CPED1: variants seen among roughly 807,000 people sequenced by gnomAD.
CPED1 encodes the protein cadherin-like and PC-esterase domain-containing protein 1.
Under a neutral mutation model 128.2 loss-of-function variants are expected in CPED1, and 114 were observed. The ratio of observed to expected loss-of-function variants is 0.89; its 90% CI spans 0.76 to 1.04. CPED1 has a LOEUF of 1.04. Among genes scored for constraint, CPED1 ranks in the 50% least tolerant of loss-of-function variants. The probability of loss-of-function intolerance (pLI) is 0.00; values close to 1 mark genes in which losing one functional copy is unlikely to be tolerated. For synonymous variants in CPED1, 462 were observed against 426.7 expected, an observed-to-expected ratio of 1.08 and a Z score of -1.02; for missense variants, 1,211 against 1,207.1, an observed-to-expected ratio of 1.00 and a Z score of -0.05.
chr7:121,087,896 G>A (rs777839093), intron 5 of CPED1, among the ~76,000 whole-genome samples: 7 of 151,746 alleles, frequency 4.6e-5, no homozygotes, highest in African/African-American at 7.3e-5. Context: ...TCCTGACCTC[G>A]TGATCCACCT....
chr7:121,107,218 A>G (rs748056514), intron 7 of CPED1, among the ~76,000 whole-genome samples: 1 of 152,138 alleles, frequency 6.6e-6, no homozygotes, highest in Non-Finnish European at 1.5e-5. Flanking sequence ...CTAGAGAGTT[A>G]TTGAATTTAA....
At chr7:121,157,455 G>A (rs1001630347) in intron 16 of CPED1, among the ~76,000 whole-genome samples, 1 of 152,156 alleles carries the variant, frequency 6.6e-6, no homozygotes, top group Admixed American at 6.5e-5. Flanking sequence ...GAGGGTGTGA[G>A]CAACGGGGTG....
At chr7:121,163,685 T>C (rs746000695) in intron 16 of CPED1, among the ~76,000 whole-genome samples, 2 of 152,242 alleles carry the variant, frequency 1.3e-5, no homozygotes, top group Non-Finnish European at 2.9e-5. Context: ...GCATTTATAG[T>C]ATAGGATTCC....
intron 16 of CPED1, among the ~76,000 whole-genome samples, chr7:121,145,864 C>T (rs1796013391): frequency 6.6e-6 from 1 of 151,732 alleles, no homozygotes; most frequent in East Asian, 1.9e-4. Flanking sequence ...CAAACTGTTG[C>T]AGATTAAATG....
rs750013176 is a variant in CPED1, at chr7:121,015,812, C to A, written c.397C>A (p.Leu133Ile). ...GYTVVIAEER[L>I]NAGLGPGLLE... ...TACGGTTGTCATCGCTGAAGAAAGG[C>A]TCAATGCTGGCCTAGGGCCGGGGCT... The change falls in exon 3 of 23, where the codon CTC becomes ATC. Residue 133 changes from leucine to isoleucine, a missense_variant. Leu to Ile is a conservative substitution (Grantham distance 5). Coordinates refer to ENST00000310396, the MANE Select transcript of CPED1 (RefSeq NM_024913.5). 6.3e-7 allele frequency: 1 copy of A among 1,591,946 alleles called. No individual in the cohort carries two copies. Among genetic ancestry groups the A allele is most frequent in the South Asian group, 1.2e-5 (1 of 86,336 alleles).
At chr7:121,238,707 CTTTT>C (rs1798317762) in intron 17 of CPED1, among the ~76,000 whole-genome samples, 1 of 150,456 alleles carries the variant, frequency 6.6e-6, no homozygotes, top group South Asian at 2.1e-4. Context: ...GATCATTTTT[CTTTT>C]TATGTTTTAT....
chr7:121,225,332 C>A (rs368828673), intron 16 of CPED1, among the ~76,000 whole-genome samples: 2 of 152,268 alleles, frequency 1.3e-5, no homozygotes, highest in South Asian at 2.1e-4. Context: ...AGGGTTTCTG[C>A]CGAGAGATCC....
At chr7:121,046,283 GTATAAC>G (rs1466797039) in intron 3 of CPED1, among the ~76,000 whole-genome samples, 1 of 152,064 alleles carries the variant, frequency 6.6e-6, no homozygotes, top group Non-Finnish European at 1.5e-5. Context: ...ACTCTGCTAT[GTATAAC>G]TATATTACAA....
intron 16 of CPED1, among the ~76,000 whole-genome samples, chr7:121,168,107 T>C (rs1796574422): frequency 6.6e-6 from 1 of 152,152 alleles, no homozygotes; most frequent in Non-Finnish European, 1.5e-5. Context: ...AGCTTCTCTA[T>C]GTATGCAGAG....
intron 16 of CPED1, among the ~76,000 whole-genome samples, chr7:121,167,371 T>C (rs2116453926): frequency 6.6e-6 from 1 of 152,334 alleles, no homozygotes; most frequent in East Asian, 1.9e-4. Flanking sequence ...AATAAGGGGC[T>C]GCCAACAGAA....
Position 121,222,738 on chromosome 7 carries a change from C to T in CPED1, c.2056-13976C>T, listed in dbSNP as rs543533997. Among the ~76,000 whole-genome samples, 175 of 152,212 alleles carry T rather than the reference C, an allele frequency of 1.1e-3. 1 individual carries two copies. Among genetic ancestry groups the T allele is most frequent in the African/African-American group, 4.0e-3 (167 of 41,544 alleles). The stretch of plus-strand genomic sequence containing the variant: ...TAGCAATTGTGAATGTGAATTCACT[C>T]GTGATTTGGCTCTCTGTTTGTCTGT... On this transcript the variant is annotated intron_variant, in intron 16 of 22. Transcript: ENST00000310396.
chr7:121,282,619 G>T (rs1038654257), intron 22 of CPED1, among the ~76,000 whole-genome samples: 4 of 152,204 alleles, frequency 2.6e-5, no homozygotes, highest in Non-Finnish European at 4.4e-5. Context: ...ACAGCAGTTT[G>T]ACAGCAATGC....
At chr7:121,231,452 A>G (rs961250476) in intron 16 of CPED1, among the ~76,000 whole-genome samples, 3 of 152,088 alleles carry the variant, frequency 2.0e-5, no homozygotes, top group African/African-American at 2.4e-5. Flanking sequence ...GAGAATGATG[A>G]AGGTTTGAAG....
At chr7:121,229,868 C>T (rs905290878) in intron 16 of CPED1, among the ~76,000 whole-genome samples, 1 of 151,906 alleles carries the variant, frequency 6.6e-6, no homozygotes, top group Non-Finnish European at 1.5e-5. Flanking sequence ...GAAATGCTTT[C>T]AGTTAACCTT....
intron 17 of CPED1, among the ~76,000 whole-genome samples, chr7:121,241,673 C>T (rs1219316311): frequency 6.6e-6 from 1 of 152,062 alleles, no homozygotes; most frequent in Non-Finnish European, 1.5e-5. Context: ...CCCTAAAGGC[C>T]TGTTCACATA....
intron 22 of CPED1, among the ~76,000 whole-genome samples, chr7:121,295,082 C>T (rs1032879486): frequency 6.6e-6 from 1 of 151,444 alleles, no homozygotes. Context: ...AAAGGCACAC[C>T]AGTGCCTTTC....
intron 16 of CPED1, among the ~76,000 whole-genome samples, chr7:121,216,802 G>A (rs1476774032): frequency 1.3e-5 from 2 of 151,984 alleles, no homozygotes; most frequent in Non-Finnish European, 2.9e-5. Flanking sequence ...GATAAGAAAG[G>A]AATGGTAAAT....
intron 5 of CPED1, among the ~76,000 whole-genome samples, chr7:121,092,069 C>CT (rs1794584220): frequency 6.6e-6 from 1 of 152,236 alleles, no homozygotes; most frequent in Middle Eastern, 3.4e-3. Flanking sequence ...CTCTCCTATG[C>CT]TTTCCCATGC....
intron 16 of CPED1, among the ~76,000 whole-genome samples, chr7:121,230,314 T>C (rs1798107795): frequency 6.6e-6 from 1 of 152,048 alleles, no homozygotes; most frequent in East Asian, 1.9e-4. Flanking sequence ...AATGTCTGGC[T>C]TGGGCACCGA....
Sources: gnomAD v4.1 joint callset for allele counts (sites outside exome capture counted in the v4.1 genomes callset) on GRCh38, gnomAD v4.1.1 for gene constraint, MANE v1.5 for transcripts, NCBI Gene and HGNC (gene_info 2026-07-23, HGNC 2026-07-21) for gene names.